The following MSI2 variants were observed in gnomAD, a reference collection of about 807,000 sequenced individuals.
The protein encoded by MSI2 is musashi RNA binding protein 2.
MSI2 carries 17 observed loss-of-function variants against 45.6 expected under a neutral mutation model. The observed-to-expected ratio is 0.37, with a 90% CI of 0.26 to 0.56. The LOEUF (loss-of-function observed/expected upper bound fraction) is 0.56, where lower values mean the gene tolerates loss of function less well. Ranked by LOEUF, MSI2 falls within the 20% of genes least tolerant of loss-of-function variation. The pLI is 0.77. For missense variants in MSI2, 293 were observed against 444.2 expected (o/e 0.66, Z 3.06); for synonymous variants, 156 against 158.2 (o/e 0.99, Z 0.11).
intron 7 of MSI2, among the ~76,000 whole-genome samples, chr17:57,555,367 G>GGTCA (rs1555623194): frequency 6.7e-6 from 1 of 150,262 alleles, no homozygotes; most frequent in Non-Finnish European, 1.5e-5. Context: ...GATTCTGGTC[G>GGTCA]TGCCAAGTTT....
At position 57,529,205 on chromosome 17, in the gene MSI2, G is replaced by A. The variant is rs2144058701; in HGVS notation, c.406-471G>A. On this transcript the variant is annotated intron_variant, in intron 6 of 13. Coordinates refer to ENST00000284073, the MANE Select transcript of MSI2 (RefSeq NM_138962.4). The surrounding 1 kb of genome is among the most constrained non-coding windows in gnomAD (Gnocchi z 5.3). ...AATCTCAGCGCTTTGAAAGGCTGCT[G>A]CAGGAGGATCACTTGAGCCCAGGAG... Among the ~76,000 whole-genome samples, 1 of 152,282 alleles carries A rather than the reference G, an allele frequency of 6.6e-6. No homozygotes were observed. The highest frequency in any genetic ancestry group is 2.1e-4 in the South Asian group (1 of 4,822).
intron 8 of MSI2, among the ~76,000 whole-genome samples, chr17:57,604,893 C>T (rs113835520): frequency 9.1e-4 from 138 of 151,302 alleles, no homozygotes; most frequent in Non-Finnish European, 1.4e-3. Context: ...CTCCTTCCAG[C>T]TGCTCCTCCT....
At chr17:57,398,114 G>A (rs2083922749) in intron 5 of MSI2, among the ~76,000 whole-genome samples, 1 of 152,192 alleles carries the variant, frequency 6.6e-6, no homozygotes, top group Non-Finnish European at 1.5e-5. Flanking sequence ...CAACGGTGGA[G>A]GGTGTATGAA....
chr17:57,578,701 C>T (rs1047476668), intron 7 of MSI2, among the ~76,000 whole-genome samples: 1 of 152,050 alleles, frequency 6.6e-6, no homozygotes, highest in Non-Finnish European at 1.5e-5. Flanking sequence ...TCTCAGGGGC[C>T]AGCAGTGTGG....
At chr17:57,674,680 C>T (rs576481672) in intron 11 of MSI2, among the ~76,000 whole-genome samples, 3 of 152,150 alleles carry the variant, frequency 2.0e-5, no homozygotes, top group East Asian at 1.9e-4. Context: ...GAAGCACCTC[C>T]GGTTGGTTGC....
At chr17:57,304,357 C>CA (rs146857564) in intron 5 of MSI2, among the ~76,000 whole-genome samples, 3,584 of 54,732 alleles carry the variant, frequency 0.065, 191 homozygotes, top group African/African-American at 0.18. Flanking sequence ...ACTCTGTCTC[C>CA]AAAAAAAAAA....
intron 11 of MSI2, among the ~76,000 whole-genome samples, chr17:57,663,013 T>A (rs1343691527): frequency 1.3e-5 from 2 of 152,252 alleles, no homozygotes; most frequent in Non-Finnish European, 2.9e-5. Context: ...GGCGGGCTTC[T>A]CTGGGAAGAC....
At chr17:57,421,779 C>T (rs2084401466) in intron 6 of MSI2, among the ~76,000 whole-genome samples, 1 of 152,128 alleles carries the variant, frequency 6.6e-6, no homozygotes, top group Non-Finnish European at 1.5e-5. Flanking sequence ...GTCGCTTGAG[C>T]CCAGGAGTTC....
intron 7 of MSI2, among the ~76,000 whole-genome samples, chr17:57,559,800 C>T (rs546831417): frequency 1.2e-4 from 18 of 152,246 alleles, no homozygotes; most frequent in South Asian, 2.1e-4. Flanking sequence ...GGCCACTGGA[C>T]GTCTGGAGAG....
intron 5 of MSI2, among the ~76,000 whole-genome samples, chr17:57,361,060 T>A (rs912766283): frequency 3.1e-4 from 47 of 152,192 alleles, no homozygotes; most frequent in Middle Eastern, 3.2e-3. Flanking sequence ...GAAGGGATCC[T>A]AGCTGAACTG....
chr17:57,266,879 C>T (rs1907839652), intron 5 of MSI2: 1 of 152,268 alleles, frequency 6.6e-6, no homozygotes, highest in Non-Finnish European at 1.5e-5. Context: ...TAGGTTGTAG[C>T]AGGGCTGAGC....
At chr17:57,419,349 C>T (rs184750961) in intron 6 of MSI2, among the ~76,000 whole-genome samples, 4 of 142,334 alleles carry the variant, frequency 2.8e-5, no homozygotes, top group South Asian at 2.4e-4. Context: ...TGGGCTTTAA[C>T]GCAATTATTA....
intron 7 of MSI2, among the ~76,000 whole-genome samples, chr17:57,574,713 G>A (rs751640680): frequency 1.3e-5 from 2 of 152,070 alleles, no homozygotes; most frequent in Non-Finnish European, 2.9e-5. Context: ...CCTAGCTTTT[G>A]CCATCTATCT....
At chr17:57,540,254 C>T (rs2087013779) in intron 7 of MSI2, among the ~76,000 whole-genome samples, 2 of 152,120 alleles carry the variant, frequency 1.3e-5, no homozygotes, top group Non-Finnish European at 2.9e-5. Context: ...TTAACTTTGT[C>T]ATTATCATAT....
chr17:57,445,068 T>C (rs1162404816), intron 6 of MSI2, among the ~76,000 whole-genome samples: 1 of 152,118 alleles, frequency 6.6e-6, no homozygotes, highest in African/African-American at 2.4e-5. Context: ...AGAAATTCCA[T>C]GATGGATGTT....
chr17:57,587,180 C>A (rs1424887706), intron 7 of MSI2, among the ~76,000 whole-genome samples: 1 of 152,158 alleles, frequency 6.6e-6, no homozygotes, highest in Non-Finnish European at 1.5e-5. Flanking sequence ...GGCCCTCAGC[C>A]CCACCTTGAT....
chr17:57,643,505 T>C (rs1189036309), intron 10 of MSI2, among the ~76,000 whole-genome samples: 1 of 152,228 alleles, frequency 6.6e-6, no homozygotes, highest in Non-Finnish European at 1.5e-5. Context: ...TCCTGAGTGC[T>C]TCCCAGTTGC....
intron 6 of MSI2, among the ~76,000 whole-genome samples, chr17:57,414,800 T>C (rs2084263676): frequency 6.6e-6 from 1 of 152,162 alleles, no homozygotes; most frequent in South Asian, 2.1e-4. Context: ...CTAGGATCCC[T>C]TAGCTATTTC....
At chr17:57,336,043 T>G (rs1308215775) in intron 5 of MSI2, among the ~76,000 whole-genome samples, 2 of 152,174 alleles carry the variant, frequency 1.3e-5, no homozygotes, top group African/African-American at 4.8e-5. Flanking sequence ...AGAGGACTTC[T>G]GTGTAGGAGG....
Sources: gnomAD v4.1 joint callset for allele counts (sites outside exome capture counted in the v4.1 genomes callset) on GRCh38, gnomAD v4.1.1 for gene constraint, Gnocchi (gnomAD v3.1) non-coding constraint, MANE v1.5 for transcripts, NCBI Gene and HGNC (gene_info 2026-07-23, HGNC 2026-07-21) for gene names.